Variants in CYB5R4 observed in about 807,000 individuals in gnomAD.
CYB5R4 encodes the protein cytochrome b5 reductase 4, also known as N-terminal cytochrome b5 and cytochrome b5 oxidoreductase domain-containing protein.
CYB5R4 carries 55 observed loss-of-function variants against 70.2 expected under a neutral mutation model. The observed-to-expected ratio is 0.78, with a 90% CI of 0.63 to 0.98. The LOEUF is 0.98. CYB5R4 is among the 50% of genes least tolerant of loss of function. The probability of loss-of-function intolerance (pLI) is 0.00; values close to 1 mark genes in which losing one functional copy is unlikely to be tolerated. For synonymous variants in CYB5R4, 197 were observed against 199.5 expected, an observed-to-expected ratio of 0.99 and a Z score of 0.11; for missense variants, 562 against 612.6, an observed-to-expected ratio of 0.92 and a Z score of 0.87.
intron 3 of CYB5R4, among the ~76,000 whole-genome samples, chr6:83,898,523 G>A (rs1319833372): frequency 2.0e-5 from 3 of 151,440 alleles, no homozygotes; most frequent in East Asian, 3.9e-4. Context: ...AGCTTGATGG[G>A]GATGGCATTG....
Position 83,859,801 on chromosome 6 carries a change from C to G in CYB5R4, c.19C>G (p.Gln7Glu). 6.2e-7 allele frequency: 1 copy of G among 1,613,554 alleles called. No individual in the cohort carries two copies. Among genetic ancestry groups the G allele is most frequent in the East Asian group, 2.2e-5 (1 of 44,844 alleles). The change falls in exon 1 of 16, where the codon CAG (glutamine) becomes GAG (glutamate). Residue 7 changes from glutamine (Q) to glutamate (E), a missense_variant. Gln to Glu is a conservative substitution (Grantham distance 29). Transcript: ENST00000369681. MLNVPS[Q>E]SFPAPRSQQR... ...TTTGAAGATGCTGAACGTCCCTTCC[C>G]AGTCTTTCCCGGCCCCCAGGTCGCA...
rs767136003 is a variant in CYB5R4, at chr6:83,865,529, T to C, written c.229+1201T>C. 2.6e-5 allele frequency among the ~76,000 whole-genome samples: 4 copies of C among 152,208 alleles called. No homozygotes were observed. The East Asian group carries it at 7.7e-4, about 29-fold the overall frequency. On this transcript the variant is annotated intron_variant, in intron 2 of 15. Transcript: ENST00000369681. ...CTTGGCTTATAGAACATTACCCTAA[T>C]ATCTGACTTCATCTTCACGTGGCAT...
intron 1 of CYB5R4, among the ~76,000 whole-genome samples, chr6:83,863,283 C>T (rs1182331065): frequency 6.6e-6 from 1 of 152,142 alleles, no homozygotes; most frequent in Non-Finnish European, 1.5e-5. Context: ...GGCTCTTTAC[C>T]ACCACATGTG....
chr6:83,869,384 A>G (rs2099457224), intron 2 of CYB5R4, among the ~76,000 whole-genome samples: 1 of 152,218 alleles, frequency 6.6e-6, no homozygotes, highest in African/African-American at 2.4e-5. Flanking sequence ...TGCGTTCATA[A>G]CCTCAAACTC....
chr6:83,901,880 A>AAT (rs2099463026), intron 3 of CYB5R4, among the ~76,000 whole-genome samples: 1 of 150,848 alleles, frequency 6.6e-6, no homozygotes, highest in Non-Finnish European at 1.5e-5. Context: ...TAATGGGATT[A>AAT]CTTTTTTTTT....
At chr6:83,890,571 A>G (rs2099460978) in intron 2 of CYB5R4, among the ~76,000 whole-genome samples, 1 of 152,246 alleles carries the variant, frequency 6.6e-6, no homozygotes, top group Non-Finnish European at 1.5e-5. Flanking sequence ...CTTAGTTCGT[A>G]AAACAACAGC....
At chr6:83,929,040 TC>T in intron 10 of CYB5R4, among the ~76,000 whole-genome samples, 1 of 152,200 alleles carries the variant, frequency 6.6e-6, no homozygotes, top group Non-Finnish European at 1.5e-5. Flanking sequence ...AATGTGTTTT[TC>T]AGTGAAGGTT....
At chr6:83,871,439 T>A (rs1386249624) in intron 2 of CYB5R4, among the ~76,000 whole-genome samples, 1 of 152,194 alleles carries the variant, frequency 6.6e-6, no homozygotes, top group Non-Finnish European at 1.5e-5. Context: ...ATCTCCTAAA[T>A]TGTCATTCAC....
In CYB5R4 at chr6:83,940,595, A is replaced by G. The variant is rs2099469592; in HGVS notation, c.1340A>G (p.Asp447Gly). The G allele has an allele frequency of 6.2e-7, 1 of 1,600,710 alleles. No individual in the cohort carries two copies. The highest frequency in any genetic ancestry group is 1.8e-5 in the Admixed American group (1 of 56,952). The change falls in exon 14 of 16, where the codon GAT (aspartate) becomes GGT (glycine). Residue 447 changes from aspartate to glycine, a missense_variant. Coordinates refer to ENST00000369681, the MANE Select transcript of CYB5R4 (RefSeq NM_016230.4). ...CAATTGGAGAAATTAGCATTTAAAGATAAAAGGTATTAAACTGATATTAGC... is the reference window on the plus strand; with the variant it reads ...CAATTGGAGAAATTAGCATTTAAAGGTAAAAGGTATTAAACTGATATTAGC... Reference protein sequence around the residue: ...RSQLEKLAFKDKRLDVEFVLS... With the variant: ...RSQLEKLAFKGKRLDVEFVLS...
chr6:83,881,501 C>T (rs374606445), intron 2 of CYB5R4, among the ~76,000 whole-genome samples: 1 of 152,176 alleles, frequency 6.6e-6, no homozygotes, highest in Non-Finnish European at 1.5e-5. Context: ...GTATTGAATT[C>T]GATAACTTCT....
rs2099473230 is a variant in CYB5R4, at chr6:83,960,900, G to A, written c.*1022G>A. On this transcript the variant is annotated 3_prime_UTR_variant, in exon 16 of 16. Coordinates refer to ENST00000369681, the MANE Select transcript of CYB5R4 (RefSeq NM_016230.4). ...GATTCAGATCAGCAAAGGGTATCAA[G>A]GATAGTCATTGTGAGCTTTTCGTGA... The A allele has an allele frequency of 6.6e-6, 1 of 152,180 alleles. No homozygotes were observed. Among genetic ancestry groups the A allele is most frequent in the South Asian group, 2.1e-4 (1 of 4,828 alleles). 9.4% of individuals were successfully genotyped at this position (152,180 alleles called of 1,614,324 possible). A position where few individuals can be genotyped will look rare whatever the true frequency, so the allele number is the denominator to read the frequency against.
intron 4 of CYB5R4, among the ~76,000 whole-genome samples, chr6:83,911,642 C>A (rs1324022168): frequency 6.6e-6 from 1 of 152,112 alleles, no homozygotes; most frequent in Non-Finnish European, 1.5e-5. Flanking sequence ...AGCTAAAATA[C>A]TACTTCTTCT....
chr6:83,925,115 A>T (rs910172415), intron 10 of CYB5R4, among the ~76,000 whole-genome samples: 6 of 152,182 alleles, frequency 3.9e-5, no homozygotes, highest in African/African-American at 1.4e-4. Context: ...GCTGTATAGG[A>T]AGCATGGTCC....
At chr6:83,938,920 C>T (rs1310787357) in intron 12 of CYB5R4, among the ~76,000 whole-genome samples, 2 of 151,878 alleles carry the variant, frequency 1.3e-5, no homozygotes, top group African/African-American at 4.8e-5. Flanking sequence ...CTGCAACCTC[C>T]GCCTCTCGGG....
Position 83,924,552 on chromosome 6 carries a change from C to A in CYB5R4, c.774C>A (p.Pro258=). Residue 258 remains proline, a synonymous_variant, in exon 10 of 16, where the codon CCC becomes CCA. Coordinates refer to ENST00000369681, the MANE Select transcript of CYB5R4 (RefSeq NM_016230.4). Reference sequence around the variant, plus strand: ...CTTCTTGGGACTTTCTTGGCCATCCCCTGAAGAATCATAATTCACTTATTC... The same window carrying A: ...CTTCTTGGGACTTTCTTGGCCATCCACTGAAGAATCATAATTCACTTATTC... ...ENTSWDFLGH[P]LKNHNSLIPR... 6.2e-7 allele frequency: 1 copy of A among 1,613,342 alleles called. No individual in the cohort carries two copies. Among genetic ancestry groups the A allele is most frequent in the South Asian group, 1.1e-5 (1 of 91,024 alleles).
chr6:83,885,017 A>T (rs1478367905), intron 2 of CYB5R4, among the ~76,000 whole-genome samples: 1 of 152,178 alleles, frequency 6.6e-6, no homozygotes, highest in African/African-American at 2.4e-5. Flanking sequence ...GAAGACTCCA[A>T]GGACTATTGT....
chr6:83,893,890 C>T (rs1262227429), intron 3 of CYB5R4, among the ~76,000 whole-genome samples: 1 of 152,122 alleles, frequency 6.6e-6, no homozygotes, highest in Non-Finnish European at 1.5e-5. Context: ...TTTATTCAGT[C>T]TTGATTAGTT....
At chr6:83,928,506 A>C (rs1284697610) in intron 10 of CYB5R4, among the ~76,000 whole-genome samples, 1 of 152,188 alleles carries the variant, frequency 6.6e-6, no homozygotes, top group Non-Finnish European at 1.5e-5. Context: ...TTCAGAAAAA[A>C]AAAACAAAAC....
At chr6:83,870,583 A>C (rs1360179924) in intron 2 of CYB5R4, among the ~76,000 whole-genome samples, 4 of 151,982 alleles carry the variant, frequency 2.6e-5, no homozygotes, top group South Asian at 4.1e-4. Flanking sequence ...CTAATGTTTT[A>C]ATTTGTAATA....
Sources: allele counts gnomAD v4.1 joint callset (sites outside exome capture counted in the v4.1 genomes callset), GRCh38; gene constraint gnomAD v4.1.1; transcripts MANE v1.5; gene names NCBI Gene and HGNC (gene_info 2026-07-23, HGNC 2026-07-21).